The following PRUNE2 variants were observed in gnomAD, a reference collection of about 807,000 sequenced individuals.
PRUNE2 encodes the protein prune homolog 2 with BCH domain, also known as protein prune homolog 2.
In PRUNE2, 164 loss-of-function variants were observed where a neutral mutation model predicts 252.0. That is an observed-to-expected ratio of 0.65 (90% CI 0.57 to 0.74). The LOEUF (loss-of-function observed/expected upper bound fraction) is 0.74. PRUNE2 is among the 30% of genes least tolerant of loss of function. PRUNE2 has a pLI of 0.00. For missense variants in PRUNE2, 3,495 were observed against 3,711.0 expected (o/e 0.94, Z 1.51); for synonymous variants, 1,292 against 1,350.2 (o/e 0.96, Z 0.94).
chr9:76,732,261 A>C (rs2048687450), intron 6 of PRUNE2, among the ~76,000 whole-genome samples: 1 of 152,208 alleles, frequency 6.6e-6, no homozygotes, highest in South Asian at 2.1e-4. Flanking sequence ...GAGCCGAGAT[A>C]GTGCCACTGC....
intron 6 of PRUNE2, among the ~76,000 whole-genome samples, chr9:76,734,323 C>T (rs143100527): frequency 1.3e-5 from 2 of 152,014 alleles, no homozygotes; most frequent in African/African-American, 4.8e-5. Flanking sequence ...GTGGTACAAG[C>T]ACAAAAAAAG....
chr9:76,620,728 G>T (rs1369569188), intron 17 of PRUNE2, among the ~76,000 whole-genome samples: 1 of 152,096 alleles, frequency 6.6e-6, no homozygotes, highest in Non-Finnish European at 1.5e-5. Flanking sequence ...GGACAGTCAA[G>T]TAAGTGTTGA....
chr9:76,678,564 A>T (rs558432713), intron 9 of PRUNE2, among the ~76,000 whole-genome samples: 11 of 152,280 alleles, frequency 7.2e-5, no homozygotes, highest in Non-Finnish European at 1.3e-4. Flanking sequence ...GCACGGCGGC[A>T]CACGCCTATA....
At chr9:76,866,868 G>C (rs541506244) in intron 1 of PRUNE2, among the ~76,000 whole-genome samples, 1 of 152,196 alleles carries the variant, frequency 6.6e-6, no homozygotes, top group East Asian at 1.9e-4. Context: ...CGGATGGTCA[G>C]AAGGGAGGGA....
intron 9 of PRUNE2, among the ~76,000 whole-genome samples, chr9:76,678,261 A>C (rs995560123): frequency 6.9e-6 from 1 of 145,366 alleles, no homozygotes; most frequent in Middle Eastern, 3.3e-3. Flanking sequence ...CTGAGACAGG[A>C]GAATCGCCTG....
chr9:76,784,356 A>G (rs565061988), intron 6 of PRUNE2: 1 of 152,368 alleles, frequency 6.6e-6, no homozygotes, highest in Non-Finnish European at 1.5e-5. Flanking sequence ...TGGCTTCACA[A>G]GACATGCAAC....
intron 6 of PRUNE2, among the ~76,000 whole-genome samples, chr9:76,818,526 C>G (rs2057834177): frequency 6.6e-6 from 1 of 152,128 alleles, no homozygotes; most frequent in Non-Finnish European, 1.5e-5. Context: ...AGTCACTTTA[C>G]CAGGATGCAT....
chr9:76,772,716 G>A (rs552443602), intron 6 of PRUNE2, among the ~76,000 whole-genome samples: 8 of 152,076 alleles, frequency 5.3e-5, no homozygotes, highest in South Asian at 2.1e-4. Context: ...GGCACACACG[G>A]CTGTATCCAG....
intron 9 of PRUNE2, among the ~76,000 whole-genome samples, chr9:76,686,525 G>A (rs1290567011): frequency 1.3e-5 from 2 of 151,996 alleles, no homozygotes; most frequent in Non-Finnish European, 2.9e-5. Flanking sequence ...GCATGAACAC[G>A]GCTCACTGCA....
intron 1 of PRUNE2, chr9:76,869,158 T>G (rs1308780283): frequency 6.6e-6 from 1 of 152,220 alleles, no homozygotes; most frequent in East Asian, 1.9e-4. Flanking sequence ...TACTCACGAG[T>G]GTAAATGTCT....
At chr9:76,643,086 C>T (rs1332456317) in intron 12 of PRUNE2, among the ~76,000 whole-genome samples, 1 of 152,196 alleles carries the variant, frequency 6.6e-6, no homozygotes, top group African/African-American at 2.4e-5. Context: ...AAGACTGTGA[C>T]AGGCAGAAGC....
At chr9:76,773,072 T>C (rs566908263) in intron 6 of PRUNE2, among the ~76,000 whole-genome samples, 1 of 152,198 alleles carries the variant, frequency 6.6e-6, no homozygotes, top group East Asian at 1.9e-4. Context: ...ATTTCTTACA[T>C]TGAAATTTAT....
chr9:76,822,755 T>C (rs975349903), intron 6 of PRUNE2, among the ~76,000 whole-genome samples: 2 of 151,724 alleles, frequency 1.3e-5, no homozygotes, highest in African/African-American at 4.8e-5. Flanking sequence ...TGCAGTGAGC[T>C]GAGATGGTGC....
chr9:76,812,431 A>C (rs1251492056), intron 6 of PRUNE2, among the ~76,000 whole-genome samples: 1 of 152,252 alleles, frequency 6.6e-6, no homozygotes, highest in Non-Finnish European at 1.5e-5. Flanking sequence ...AAAGTACATG[A>C]AACCAACTAA....
At chr9:76,639,359 C>T (rs1841570682) in intron 12 of PRUNE2, among the ~76,000 whole-genome samples, 1 of 152,028 alleles carries the variant, frequency 6.6e-6, no homozygotes, top group Non-Finnish European at 1.5e-5. Flanking sequence ...AGCGTGGTGG[C>T]ACACGCCTGT....
chr9:76,871,442 G>A (rs933943681), intron 1 of PRUNE2, among the ~76,000 whole-genome samples: 1 of 152,166 alleles, frequency 6.6e-6, no homozygotes, highest in East Asian at 1.9e-4. Context: ...GGAGGGTCCT[G>A]GAACCAGTTC....
chr9:76,651,441 G>A (rs1290819439), intron 11 of PRUNE2, among the ~76,000 whole-genome samples: 1 of 152,120 alleles, frequency 6.6e-6, no homozygotes, highest in African/African-American at 2.4e-5. Flanking sequence ...CTAAAAGTCA[G>A]GCCACCACTT....
At chr9:76,901,012 G>C (rs2063138378) in intron 1 of PRUNE2, among the ~76,000 whole-genome samples, 3 of 152,162 alleles carry the variant, frequency 2.0e-5, no homozygotes, top group African/African-American at 7.2e-5. Flanking sequence ...ACTGCCTAAA[G>C]GGTGACCTTG....
intron 6 of PRUNE2, among the ~76,000 whole-genome samples, chr9:76,797,577 T>C (rs1040157408): frequency 1.3e-5 from 2 of 152,226 alleles, no homozygotes; most frequent in Non-Finnish European, 1.5e-5. Context: ...CTTTGTTTAA[T>C]AGTTCTACCA....
Sources: gnomAD v4.1 joint callset for allele counts (sites outside exome capture counted in the v4.1 genomes callset) on GRCh38, gnomAD v4.1.1 for gene constraint, MANE v1.5 for transcripts, NCBI Gene and HGNC (gene_info 2026-07-23, HGNC 2026-07-21) for gene names.